The following DNMT3A variants were observed in gnomAD, a reference collection of about 807,000 sequenced individuals.
DNMT3A encodes DNA methyltransferase 3 alpha, also known as DNA (cytosine-5)-methyltransferase 3A.
DNMT3A carries 267 observed loss-of-function variants against 117.6 expected under a neutral mutation model. The ratio of observed to expected loss-of-function variants is 2.27; its 90% confidence interval spans 2.05 to 2.51. The LOEUF (loss-of-function observed/expected upper bound fraction) is 2.51, where lower values mean the gene tolerates loss of function less well. Ranked by LOEUF, DNMT3A falls within the 30% of genes most tolerant of loss-of-function variation. DNMT3A has a pLI of 0.00. For synonymous variants in DNMT3A, 432 were observed against 474.8 expected, an observed-to-expected ratio of 0.91 and a Z score of 1.17; for missense variants, 1,029 against 1,260.2, an observed-to-expected ratio of 0.82 and a Z score of 2.78.
chr2:25,240,420 TAG>T lies in DNMT3A; in HGVS notation c.2202_2203del (p.Phe734LeufsTer6), dbSNP rs1558659313. On this transcript the variant is annotated frameshift_variant, in exon 19 of 23. Coordinates refer to ENST00000321117, the MANE Select transcript of DNMT3A (RefSeq NM_022552.5). LOFTEE classifies it high-confidence loss of function. ...GGGCCGCGCATCATGCAGGAGGCGG[TAG>T]AACTCAAAGAAGAGCCGGCCAGTGC... 1 of 1,612,074 alleles carries T rather than the reference TAG, an allele frequency of 6.2e-7. No homozygotes were observed.
Position 25,247,680 on chromosome 2 carries a change from G to A in DNMT3A, c.925C>T (p.Arg309Cys), listed in dbSNP as rs1674982035. Reference protein sequence around the residue: ...KLRGFSWWPGRIVSWWMTGRS... With the variant: ...KLRGFSWWPGCIVSWWMTGRS... ...CCCGTCATCCACCAAGACACAATGC[G>A]GCCTGGCCACCAGGAGAAGCCCCGC... is the stretch of plus-strand genomic sequence containing the variant. Residue 309 changes from arginine (R) to cysteine (C), a missense_variant, in exon 8 of 23, where the codon CGC becomes TGC. Transcript: ENST00000321117. This position sits in a 1 kb window ranked among gnomAD's most constrained non-coding sequence, Gnocchi z 5.6. 3 of 1,613,786 alleles carry A rather than the reference G, an allele frequency of 1.9e-6. No homozygotes were observed. Among genetic ancestry groups the A allele is most frequent in the Non-Finnish European group, 1.7e-6 (2 of 1,180,010 alleles).
At chr2:25,241,453 G>A in intron 17 of DNMT3A, 109 bp downstream of exon 17, 1 of 1,417,502 alleles carries the variant, frequency 7.1e-7, no homozygotes, top group Non-Finnish European at 9.5e-7. Flanking sequence ...GGGGCAAAGG[G>A]TGAAGAGAAA....
chr2:25,243,747 G>A (rs915924727), intron 16 of DNMT3A, 151 bp downstream of exon 16: 38 of 907,966 alleles, frequency 4.2e-5, no homozygotes, highest in Non-Finnish European at 5.8e-5. Context: ...GACTGCATAC[G>A]TTTCCACTTC....
chr2:25,247,373 G>A lies in DNMT3A; in HGVS notation c.1015-215C>T. The stretch of plus-strand genomic sequence containing the variant: ...GGTGGAAAGGAATTCTAGTGAATAG[G>A]TTCCTGGAAGGCTAAAACTGGGCCA... On this transcript the variant is annotated intron_variant, in intron 8 of 22. Coordinates refer to ENST00000321117, the MANE Select transcript of DNMT3A (RefSeq NM_022552.5). The surrounding 1 kb of genome is among the most constrained non-coding windows in gnomAD (Gnocchi z 5.6). 2.4e-6 allele frequency: 2 copies of A among 825,052 alleles called. No homozygotes were observed. Among genetic ancestry groups the A allele is most frequent in the South Asian group, 3.6e-5 (2 of 55,128 alleles). The allele number at this position is 825,052 out of a possible 1,614,324, so 51.1% of individuals were successfully genotyped here.
rs909519535 is a variant in DNMT3A, at chr2:25,257,284, C to T, written c.640-9032G>A. Among the ~76,000 whole-genome samples, 2 of 152,228 alleles carry T rather than the reference C, an allele frequency of 1.3e-5. No homozygotes were observed. Among genetic ancestry groups the T allele is most frequent in the South Asian group, 2.1e-4 (1 of 4,836 alleles). The stretch of plus-strand genomic sequence containing the variant: ...CGGAGAGCAGAGGGGTCCAAAGGCT[C>T]GCACCTAGCGGTGTTCTGCCTTCTG... On this transcript the variant is annotated intron_variant, in intron 6 of 22. Coordinates refer to ENST00000321117, the MANE Select transcript of DNMT3A (RefSeq NM_022552.5). This position sits in a 1 kb window ranked among gnomAD's most constrained non-coding sequence, Gnocchi z 4.8.
At chr2:25,335,781 T>C (rs923058042) in intron 1 of DNMT3A, among the ~76,000 whole-genome samples, 4 of 151,886 alleles carry the variant, frequency 2.6e-5, no homozygotes, top group Non-Finnish European at 5.9e-5. Context: ...AAAATGACCT[T>C]GACATTTGAA....
chr2:25,252,720 G>A lies in DNMT3A; in HGVS notation c.640-4468C>T, dbSNP rs1486466170. Among the ~76,000 whole-genome samples, 1 of 152,250 alleles carries A rather than the reference G, an allele frequency of 6.6e-6. No homozygotes were observed. Among genetic ancestry groups the A allele is most frequent in the East Asian group, 1.9e-4 (1 of 5,180 alleles). On this transcript the variant is annotated intron_variant, in intron 6 of 22. Transcript: ENST00000321117. The surrounding 1 kb of genome is among the most constrained non-coding windows in gnomAD (Gnocchi z 5.5). The stretch of plus-strand genomic sequence containing the variant: ...GCAAGCCGGAGCTTTCGGACGGCCT[G>A]GGAGAGCCGGGAGAAAGTTGTGAAA...
In DNMT3A at chr2:25,291,292, T is replaced by C. The variant is rs549078957; in HGVS notation, c.178-8581A>G. Among the ~76,000 whole-genome samples, 6 of 152,370 alleles carry C rather than the reference T, an allele frequency of 3.9e-5. No individual in the cohort carries two copies. The East Asian group carries it at 9.6e-4, about 25-fold the overall frequency. On this transcript the variant is annotated intron_variant, in intron 3 of 22. Transcript: ENST00000321117. ...GCAGGGCAGCTCTGCCCCCGAAGCA[T>C]TGGCACGGGGCCATGACTGCCCGCC... is the stretch of plus-strand genomic sequence containing the variant.
intron 4 of DNMT3A, among the ~76,000 whole-genome samples, chr2:25,276,433 C>G (rs2031415796): frequency 6.6e-6 from 1 of 152,210 alleles, no homozygotes; most frequent in African/African-American, 2.4e-5. Context: ...GTGTGGTTCT[C>G]CTTCCCTAAG....
At chr2:25,341,726 C>T (rs1558755332) in intron 1 of DNMT3A, 100 bp downstream of exon 1, 2 of 852,934 alleles carry the variant, frequency 2.3e-6, no homozygotes, top group Non-Finnish European at 2.8e-6. Context: ...GAGCGTGCCC[C>T]GAGCCGGGCA....
At position 25,286,242 on chromosome 2, in the gene DNMT3A, G is replaced by A. The variant is rs2032299633; in HGVS notation, c.178-3531C>T. On this transcript the variant is annotated intron_variant, in intron 3 of 22. Coordinates refer to ENST00000321117, the MANE Select transcript of DNMT3A (RefSeq NM_022552.5). This position sits in a 1 kb window ranked among gnomAD's most constrained non-coding sequence, Gnocchi z 4.3. ...AGGCCCAACACAGCCCCAGGCTCCC[G>A]ACCAACCCAGTCCTTCATGCACAAG... is the stretch of plus-strand genomic sequence containing the variant. Among the ~76,000 whole-genome samples the A allele has an allele frequency of 6.6e-6, 1 of 152,160 alleles. No individual in the cohort carries two copies. The highest frequency in any genetic ancestry group is 2.4e-5 in the African/African-American group (1 of 41,426).
chr2:25,262,851 C>T (rs1676729868), intron 6 of DNMT3A, among the ~76,000 whole-genome samples: 1 of 152,194 alleles, frequency 6.6e-6, no homozygotes, highest in African/African-American at 2.4e-5. Context: ...ACCCTAGTTA[C>T]CAGATCTCTT....
intron 6 of DNMT3A, chr2:25,249,798 G>T: frequency 6.5e-7 from 1 of 1,541,600 alleles, no homozygotes; most frequent in Non-Finnish European, 9.0e-7. Context: ...AGGAAACACG[G>T]CCCTCTGACT....
At chr2:25,329,925 G>C (rs937363133) in intron 1 of DNMT3A, among the ~76,000 whole-genome samples, 8 of 152,172 alleles carry the variant, frequency 5.3e-5, no homozygotes. Context: ...AGAGGCATTT[G>C]GAAACCAGCT....
chr2:25,342,159 A>T (rs936612630), upstream of DNMT3A, among the ~76,000 whole-genome samples: 1 of 141,512 alleles, frequency 7.1e-6, no homozygotes, highest in Non-Finnish European at 1.5e-5. This position sits in a 1 kb window ranked among gnomAD's most constrained non-coding sequence, Gnocchi z 5.9. Flanking sequence ...CCCGGGAGGC[A>T]GCGCCGACTG....
chr2:25,255,361 A>G (rs147910550), intron 6 of DNMT3A, among the ~76,000 whole-genome samples: 1 of 152,320 alleles, frequency 6.6e-6, no homozygotes, highest in African/African-American at 2.4e-5. Context: ...AGATAGCCAA[A>G]CTCAAATAGC....
At chr2:25,297,507 GTT>G (rs1184125497) in intron 3 of DNMT3A, among the ~76,000 whole-genome samples, 4 of 123,440 alleles carry the variant, frequency 3.2e-5, no homozygotes, top group Non-Finnish European at 5.1e-5. Context: ...GCTCTGCATT[GTT>G]TTTTTTTTTT....
At chr2:25,316,365 C>G (rs1397904878) in intron 1 of DNMT3A, among the ~76,000 whole-genome samples, 1 of 152,230 alleles carries the variant, frequency 6.6e-6, no homozygotes, top group Admixed American at 6.5e-5. Context: ...CCTCCCCTTC[C>G]TCCACCCAAG....
chr2:25,243,578 G>A (rs1674330470), intron 16 of DNMT3A, among the ~76,000 whole-genome samples: 1 of 152,204 alleles, frequency 6.6e-6, no homozygotes, highest in African/African-American at 2.4e-5. Context: ...TTTCTGTCTT[G>A]CTGAATCTGT....
Sources: allele counts gnomAD v4.1 joint callset (sites outside exome capture counted in the v4.1 genomes callset), GRCh38; gene constraint gnomAD v4.1.1; non-coding constraint Gnocchi (gnomAD v3.1); transcripts MANE v1.5; gene names NCBI Gene and HGNC (gene_info 2026-07-23, HGNC 2026-07-21).